The following DENND2A variants were observed in gnomAD, a reference collection of about 807,000 sequenced individuals.
The protein encoded by DENND2A is DENN domain-containing protein 2A.
Under a neutral mutation model 105.3 loss-of-function variants are expected in DENND2A, and 53 were observed. That is an observed-to-expected ratio of 0.50 (90% CI 0.40 to 0.63). DENND2A has a LOEUF of 0.63. Ranked by LOEUF, DENND2A falls within the 30% of genes least tolerant of loss-of-function variation. DENND2A has a pLI of 0.00. For missense variants in DENND2A, 1,138 were observed against 1,279.6 expected (o/e 0.89, Z 1.69); for synonymous variants, 522 against 508.4 (o/e 1.03, Z -0.36).
intron 1 of DENND2A, among the ~76,000 whole-genome samples, chr7:140,615,390 C>T (rs1800046089): frequency 6.6e-6 from 1 of 152,294 alleles, no homozygotes; most frequent in East Asian, 1.9e-4. Context: ...CTGCACCCTT[C>T]TTGGACCAAA....
rs373105289 is a variant in DENND2A at position 140,525,765 on chromosome 7, G to A, written c.2533C>T (p.Arg845Trp). 12 of 1,606,062 alleles carry A rather than the reference G, an allele frequency of 7.5e-6. No homozygotes were observed. The highest frequency in any genetic ancestry group is 2.2e-5 in the South Asian group (2 of 89,268). The change falls in exon 16 of 20, where the codon CGG becomes TGG. Residue 845 changes from arginine to tryptophan, a missense_variant. Physicochemically the swap from Arg to Trp is moderately radical, Grantham distance 101 (BLOSUM62 -3). Transcript: ENST00000496613. Reference sequence around the variant, plus strand: ...GCCTCACTCACCTGTCTGAGGAACCGGCTGTTGACGAGGTCAACCACAAGG... The same window carrying A: ...GCCTCACTCACCTGTCTGAGGAACCAGCTGTTGACGAGGTCAACCACAAGG... ...EVLVVDLVNS[R>W]FLRQMDDEDS...
intron 1 of DENND2A, among the ~76,000 whole-genome samples, chr7:140,632,411 A>G (rs1800763358): frequency 6.6e-6 from 1 of 152,102 alleles, no homozygotes; most frequent in African/African-American, 2.4e-5. Context: ...GGTGGTACCA[A>G]ATCACTTCTG....
At chr7:140,617,896 C>T (rs564788224) in intron 1 of DENND2A, among the ~76,000 whole-genome samples, 3 of 152,224 alleles carry the variant, frequency 2.0e-5, no homozygotes, top group East Asian at 3.9e-4. Flanking sequence ...TTCATAAACC[C>T]GGGAAGGATT....
chr7:140,611,501 G>C (rs1436107514), intron 1 of DENND2A, among the ~76,000 whole-genome samples: 1 of 152,112 alleles, frequency 6.6e-6, no homozygotes, highest in Non-Finnish European at 1.5e-5. Context: ...TTGCATCACT[G>C]CACTCCAGCC....
chr7:140,601,848 T>A lies in DENND2A; in HGVS notation c.550A>T (p.Thr184Ser). 6.2e-7 allele frequency: 1 copy of A among 1,614,018 alleles called. No individual in the cohort carries two copies. The highest frequency in any genetic ancestry group is 8.5e-7 in the Non-Finnish European group (1 of 1,180,008). The change falls in exon 3 of 20, where the codon ACT becomes TCT. Residue 184 changes from threonine (T) to serine (S), a missense_variant. Physicochemically the swap from Thr to Ser is moderately conservative, Grantham distance 58. Around this residue, in one of 2 missense-constraint regions of DENND2A, gnomAD observed 511 missense variants for 499.9 expected, o/e 1.02. Coordinates refer to ENST00000496613, the MANE Select transcript of DENND2A (RefSeq NM_015689.5). Reference protein sequence around the residue: ...SAGLDPQLPGTCYSPHCPPDK... With the variant: ...SAGLDPQLPGSCYSPHCPPDK... ...GGAGGGCAGTGTGGGGAGTAACAAG[T>A]CCCTGGTAACTGGGGATCCAGCCCT... is the stretch of plus-strand genomic sequence containing the variant.
At chr7:140,605,452 C>G (rs13239367) in intron 2 of DENND2A, among the ~76,000 whole-genome samples, 7 of 152,156 alleles carry the variant, frequency 4.6e-5, no homozygotes, top group African/African-American at 1.7e-4. Flanking sequence ...AATTGGAATG[C>G]GTCATGGGGA....
chr7:140,588,370 G>A (rs1798873226), intron 3 of DENND2A, among the ~76,000 whole-genome samples: 1 of 152,064 alleles, frequency 6.6e-6, no homozygotes, highest in African/African-American at 2.4e-5. Flanking sequence ...AATAGAAAAG[G>A]GGGCCGGGAG....
intron 6 of DENND2A, among the ~76,000 whole-genome samples, 159 bp from the exon 7 acceptor site, chr7:140,569,897 T>A (rs1266773305): frequency 6.6e-6 from 1 of 152,048 alleles, no homozygotes; most frequent in Non-Finnish European, 1.5e-5. Flanking sequence ...AATCATTTTT[T>A]TTTTTTATTT....
At chr7:140,530,172 C>T (rs1381107501) in intron 14 of DENND2A, among the ~76,000 whole-genome samples, 3 of 151,958 alleles carry the variant, frequency 2.0e-5, no homozygotes, top group South Asian at 2.1e-4. Flanking sequence ...TGCAGTGAGC[C>T]GTGATCGTGT....
chr7:140,610,683 G>T (rs1799862858), intron 1 of DENND2A, among the ~76,000 whole-genome samples: 1 of 152,170 alleles, frequency 6.6e-6, no homozygotes, highest in South Asian at 2.1e-4. Context: ...ATTTAAAACA[G>T]ATATAAAGTG....
intron 5 of DENND2A, among the ~76,000 whole-genome samples, chr7:140,581,967 ATGT>A (rs1563156724): frequency 1.7e-5 from 2 of 117,696 alleles, no homozygotes; most frequent in African/African-American, 8.0e-5. Context: ...CCTTGGGCAG[ATGT>A]TTTTTTTTTT....
chr7:140,570,119 T>G (rs1200945624), intron 6 of DENND2A, among the ~76,000 whole-genome samples: 1 of 152,144 alleles, frequency 6.6e-6, no homozygotes, highest in Admixed American at 6.5e-5. Context: ...GGTCTCGAAC[T>G]CCTGACCTCA....
intron 6 of DENND2A, among the ~76,000 whole-genome samples, chr7:140,571,251 C>T (rs1314910658): frequency 2.0e-5 from 3 of 152,070 alleles, no homozygotes; most frequent in Non-Finnish European, 4.4e-5. Flanking sequence ...CTCCGACTCC[C>T]GGTTTCAAGT....
chr7:140,557,531 A>ATATATATATATATATATGT (rs1554467351), intron 11 of DENND2A, among the ~76,000 whole-genome samples: 7 of 39,650 alleles, frequency 1.8e-4, no homozygotes, highest in Admixed American at 7.8e-4. Context: ...ATATATATAT[A>ATATATATATATATATATGT]TTTTTTTTTT....
intron 14 of DENND2A, among the ~76,000 whole-genome samples, chr7:140,529,397 A>G (rs1033385800): frequency 2.6e-5 from 4 of 152,322 alleles, no homozygotes; most frequent in Admixed American, 2.0e-4. Context: ...CGATTCCTCA[A>G]GGATCTAGAA....
chr7:140,612,243 GA>G (rs979836741), intron 1 of DENND2A, among the ~76,000 whole-genome samples: 9 of 115,494 alleles, frequency 7.8e-5, no homozygotes, highest in African/African-American at 3.5e-4. Context: ...TCCGTCTCAA[GA>G]AAAAAAAGGA....
At chr7:140,634,540 T>G (rs887602301) in intron 1 of DENND2A, among the ~76,000 whole-genome samples, 2 of 152,198 alleles carry the variant, frequency 1.3e-5, no homozygotes, top group Admixed American at 6.5e-5. Flanking sequence ...TTTTGAGTTT[T>G]GTTAACTTTT....
In DENND2A at chr7:140,523,481, A is replaced by G; in HGVS notation, c.2548-57T>C. 7.4e-6 allele frequency: 11 copies of G among 1,487,200 alleles called. 1 individual carries two copies. In the South Asian group the frequency reaches 1.2e-4, roughly 17 times the overall value. The allele number at this position is 1,487,200 out of a possible 1,614,324, so 92.1% of individuals were successfully genotyped here. On this transcript the variant is annotated intron_variant, in intron 16 of 19. Transcript: ENST00000496613. The surrounding 1 kb of genome is among the most constrained non-coding windows in gnomAD (Gnocchi z 4.5). ...GGCACGGTGGCTGCGTCTTGGCCAT[A>G]GGACACACTGGAGCCACTGCAGGGC...
chr7:140,518,485 A>G lies in DENND2A; in HGVS notation c.*222T>C, dbSNP rs1795736771. ...CCAACCACCAAAACAACCCATTTGC[A>G]TGTCGGCGACACGCCTGGTCTCGGG... On this transcript the variant is annotated 3_prime_UTR_variant, in exon 20 of 20. Coordinates refer to ENST00000496613, the MANE Select transcript of DENND2A (RefSeq NM_015689.5). The G allele has an allele frequency of 2.2e-6, 1 of 461,658 alleles. No individual in the cohort carries two copies. The highest frequency in any genetic ancestry group is 4.7e-5 in the South Asian group (1 of 21,220). 28.6% of individuals were successfully genotyped at this position (461,658 alleles called of 1,614,324 possible). A position where few individuals can be genotyped will look rare whatever the true frequency, so the allele number is the denominator to read the frequency against.
Sources: allele counts gnomAD v4.1 joint callset (sites outside exome capture counted in the v4.1 genomes callset), GRCh38; gene constraint gnomAD v4.1.1; regional missense constraint gnomAD v4.1.1; non-coding constraint Gnocchi (gnomAD v3.1); transcripts MANE v1.5; gene names NCBI Gene and HGNC (gene_info 2026-07-23, HGNC 2026-07-21).